PLEKHA1: variants seen among roughly 807,000 people sequenced by gnomAD.
PLEKHA1 encodes the protein pleckstrin homology domain-containing family A member 1.
In PLEKHA1, 34 loss-of-function variants were observed where a neutral mutation model predicts 52.0. That is an observed-to-expected ratio of 0.65 (90% CI 0.50 to 0.87). The LOEUF (loss-of-function observed/expected upper bound fraction) is 0.87, where lower values mean the gene tolerates loss of function less well. Ranked by LOEUF, PLEKHA1 falls within the 40% of genes least tolerant of loss-of-function variation. The pLI, the probability that PLEKHA1 is intolerant of heterozygous loss-of-function variation, is 0.00. For missense variants in PLEKHA1, 497 were observed against 504.2 expected (o/e 0.99, Z 0.14); for synonymous variants, 163 against 170.7 (o/e 0.95, Z 0.35).
At chr10:122,428,321 A>G in intron 11 of PLEKHA1, 2 of 1,547,516 alleles carry the variant, frequency 1.3e-6, no homozygotes, top group South Asian at 2.4e-5. Flanking sequence ...ACAGAGGTAT[A>G]CATCAAGAGC....
intron 8 of PLEKHA1, 59 bp downstream of exon 8, chr10:122,418,027 T>A: frequency 2.3e-6 from 3 of 1,315,590 alleles, no homozygotes; most frequent in South Asian, 1.2e-5. Context: ...TGCAATGTAG[T>A]GATTATATAT....
chr10:122,380,529 G>T (rs968527567), intron 1 of PLEKHA1, among the ~76,000 whole-genome samples: 1 of 152,176 alleles, frequency 6.6e-6, no homozygotes, highest in African/African-American at 2.4e-5. Context: ...ACAAGTCCCC[G>T]AGTGGGAATC....
At chr10:122,375,815 A>G (rs1051168259) in intron 1 of PLEKHA1, among the ~76,000 whole-genome samples, 3 of 152,126 alleles carry the variant, frequency 2.0e-5, no homozygotes, top group African/African-American at 4.8e-5. Flanking sequence ...TGTTTGTTTC[A>G]CCTTCCAATT....
chr10:122,400,440 A>G (rs371062705), intron 4 of PLEKHA1, 52 bp downstream of exon 4: 539 of 1,488,746 alleles, frequency 3.6e-4, no homozygotes, highest in Non-Finnish European at 4.1e-4. Flanking sequence ...ATTGTATCAT[A>G]TTGTAAAAGA....
chr10:122,376,055 T>G (rs1033168927), intron 1 of PLEKHA1, among the ~76,000 whole-genome samples: 4 of 152,180 alleles, frequency 2.6e-5, no homozygotes, highest in African/African-American at 9.7e-5. Context: ...CTTGCATACT[T>G]TCTATGTTAA....
At chr10:122,409,710 C>T (rs2097079701) in intron 5 of PLEKHA1, among the ~76,000 whole-genome samples, 1 of 151,776 alleles carries the variant, frequency 6.6e-6, no homozygotes, top group East Asian at 1.9e-4. Flanking sequence ...ATTGTAAGAC[C>T]CAGGAGTTTG....
intron 8 of PLEKHA1, 51 bp downstream of exon 8, chr10:122,418,019 C>G: frequency 7.2e-7 from 1 of 1,389,262 alleles, no homozygotes. Context: ...AAAAGTGTTG[C>G]AATGTAGTGA....
At chr10:122,381,044 A>G (rs1313268910) in intron 1 of PLEKHA1, among the ~76,000 whole-genome samples, 2 of 152,186 alleles carry the variant, frequency 1.3e-5, no homozygotes, top group Non-Finnish European at 2.9e-5. Context: ...TAAATAAACT[A>G]ATATTTAGGT....
At chr10:122,426,399 GA>G (rs1238172817) in intron 10 of PLEKHA1, among the ~76,000 whole-genome samples, 1 of 151,360 alleles carries the variant, frequency 6.6e-6, no homozygotes, top group African/African-American at 2.4e-5. Context: ...CTAGAATCTA[GA>G]AACAAGAGGC....
chr10:122,386,553 G>A (rs955710658), intron 1 of PLEKHA1: 1 of 151,912 alleles, frequency 6.6e-6, no homozygotes, highest in Admixed American at 6.6e-5. Flanking sequence ...AGAAATATTT[G>A]TCTACCCCTA....
At position 122,413,026 on chromosome 10, in the gene PLEKHA1, C is replaced by T; in HGVS notation, c.449C>T (p.Pro150Leu). ...SYRTDIVGGV[P>L]IITPTQKEEV... ...AGAACTGATATTGTTGGTGGCGTAC[C>T]CATCATTACTCCCACTCAGGTAATT... The change falls in exon 6 of 12, where the codon CCC becomes CTC. Residue 150 changes from proline (P) to leucine (L), a missense_variant. Transcript: ENST00000368990. 6.2e-7 allele frequency: 1 copy of T among 1,612,560 alleles called. No individual in the cohort carries two copies. Among genetic ancestry groups the T allele is most frequent in the Non-Finnish European group, 8.5e-7 (1 of 1,179,054 alleles).
In PLEKHA1 at chr10:122,420,828, A is replaced by T. The variant is rs540867540; in HGVS notation, c.681+2860A>T. 4 of 152,310 alleles carry T rather than the reference A, an allele frequency of 2.6e-5. No homozygotes were observed. In the East Asian group the frequency reaches 5.8e-4, roughly 22 times the overall value. 9.4% of individuals were successfully genotyped at this position (152,310 alleles called of 1,614,324 possible). On this transcript the variant is annotated intron_variant, in intron 8 of 11. Transcript: ENST00000368990. ...GTGTCAGAGCCCACGCAGGACAAGGAGGCTGTCCTCTTGGGGGGTTAGCCC... is the reference window on the plus strand; with the variant it reads ...GTGTCAGAGCCCACGCAGGACAAGGTGGCTGTCCTCTTGGGGGGTTAGCCC...
rs1332188746 is a variant in PLEKHA1, at chr10:122,393,778, A to G, written c.141+437A>G. On this transcript the variant is annotated intron_variant, in intron 2 of 11. Transcript: ENST00000368990. The surrounding 1 kb of genome is among the most constrained non-coding windows in gnomAD (Gnocchi z 4.5). ...TTAATACCAGGGTCCCTTTAGTGAGATTAAATTTAGGTTTAAGATGCTGCA... is the reference window on the plus strand; with the variant it reads ...TTAATACCAGGGTCCCTTTAGTGAGGTTAAATTTAGGTTTAAGATGCTGCA... Among the ~76,000 whole-genome samples the G allele has an allele frequency of 6.6e-6, 1 of 152,182 alleles. No individual in the cohort carries two copies.
At chr10:122,388,861 A>G (rs983494918) in intron 1 of PLEKHA1, among the ~76,000 whole-genome samples, 3 of 152,126 alleles carry the variant, frequency 2.0e-5, no homozygotes, top group Non-Finnish European at 4.4e-5. Context: ...TCATCCATAG[A>G]AGCAACTTCT....
intron 5 of PLEKHA1, among the ~76,000 whole-genome samples, chr10:122,411,008 A>G (rs1025394051): frequency 6.6e-6 from 1 of 152,226 alleles, no homozygotes; most frequent in Non-Finnish European, 1.5e-5. Context: ...TTCATTAGAA[A>G]ATATAATGGG....
intron 7 of PLEKHA1, 24 bp downstream of exon 7, chr10:122,416,026 G>A (rs1172944295): frequency 1.9e-6 from 3 of 1,572,018 alleles, no homozygotes; most frequent in Non-Finnish European, 8.6e-7. Flanking sequence ...CAAAATACAT[G>A]AAATAATGAA....
chr10:122,399,652 G>A (rs954466470), intron 3 of PLEKHA1, among the ~76,000 whole-genome samples: 5 of 151,932 alleles, frequency 3.3e-5, no homozygotes, highest in Non-Finnish European at 5.9e-5. Flanking sequence ...GCGCGATCTC[G>A]GCTCACTGCA....
intron 6 of PLEKHA1, 29 bp downstream of exon 6, chr10:122,413,074 G>T: frequency 6.3e-7 from 1 of 1,585,930 alleles, no homozygotes. Flanking sequence ...TATTGTGTGA[G>T]GGTCTAATTA....
chr10:122,426,709 C>T (rs755579456), intron 10 of PLEKHA1, among the ~76,000 whole-genome samples: 11 of 152,060 alleles, frequency 7.2e-5, no homozygotes, highest in African/African-American at 2.4e-4. Flanking sequence ...TCATTATTGA[C>T]GCCTGTTGAT....
Sources: gnomAD v4.1 joint callset for allele counts (sites outside exome capture counted in the v4.1 genomes callset) on GRCh38, gnomAD v4.1.1 for gene constraint, Gnocchi (gnomAD v3.1) non-coding constraint, MANE v1.5 for transcripts, NCBI Gene and HGNC (gene_info 2026-07-23, HGNC 2026-07-21) for gene names.